SNTG2: variants seen among roughly 807,000 people sequenced by gnomAD.
The protein encoded by SNTG2 is syntrophin gamma 2.
In SNTG2, 74 loss-of-function variants were observed where a neutral mutation model predicts 70.9. The ratio of observed to expected loss-of-function variants is 1.04; its 90% CI spans 0.86 to 1.27. The LOEUF (loss-of-function observed/expected upper bound fraction) is 1.27. Ranked by LOEUF, SNTG2 falls within the 50% of genes most tolerant of loss-of-function variation. SNTG2 has a pLI of 0.00. For missense variants in SNTG2, 717 were observed against 690.7 expected (o/e 1.04, Z -0.43); for synonymous variants, 278 against 273.8 (o/e 1.02, Z -0.15).
intron 1 of SNTG2, among the ~76,000 whole-genome samples, chr2:1,055,833 A>C (rs1662356530): frequency 6.6e-6 from 1 of 152,150 alleles, no homozygotes; most frequent in Non-Finnish European, 1.5e-5. Flanking sequence ...CAGTTGCAGC[A>C]CCAGCCCTCC....
chr2:1,162,190 AGG>A (rs140681649), intron 6 of SNTG2, among the ~76,000 whole-genome samples: 1 of 152,248 alleles, frequency 6.6e-6, no homozygotes, highest in East Asian at 1.9e-4. Flanking sequence ...CCTGTAAGCA[AGG>A]GATGGCAGAT....
intron 16 of SNTG2, among the ~76,000 whole-genome samples, chr2:1,321,162 A>C (rs1681502799): frequency 6.6e-6 from 1 of 152,206 alleles, no homozygotes; most frequent in African/African-American, 2.4e-5. Flanking sequence ...GAGTTTCATC[A>C]GTTCTAAAGA....
At chr2:1,178,363 A>G (rs1000603617) in intron 8 of SNTG2, among the ~76,000 whole-genome samples, 2 of 152,158 alleles carry the variant, frequency 1.3e-5, no homozygotes, top group African/African-American at 4.8e-5. Flanking sequence ...GTGAGAGAGG[A>G]CATCTCTGTC....
chr2:966,302 C>G (rs1313773814), intron 1 of SNTG2, among the ~76,000 whole-genome samples: 3 of 151,838 alleles, frequency 2.0e-5, no homozygotes, highest in Non-Finnish European at 4.4e-5. Flanking sequence ...ACTTATTTTA[C>G]ATTTTTTTTT....
chr2:1,118,288 C>G (rs900882523), intron 4 of SNTG2, among the ~76,000 whole-genome samples: 1 of 152,064 alleles, frequency 6.6e-6, no homozygotes, highest in African/African-American at 2.4e-5. Flanking sequence ...GCTGAGACTC[C>G]CCTCTACAGA....
chr2:1,333,199 A>G lies in SNTG2; in HGVS notation c.1488+16824A>G, dbSNP rs190004783. On this transcript the variant is annotated intron_variant, in intron 16 of 16. Transcript: ENST00000308624. ...TTAAATCAAGAACTCAATCGCTTTT[A>G]CAACAGCTGCAAAAAGTAAAATATT... Among the ~76,000 whole-genome samples the G allele has an allele frequency of 4.2e-3, 646 of 152,356 alleles. 7 individuals carry two copies. Among genetic ancestry groups the G allele is most frequent in the African/African-American group, 0.015 (605 of 41,594 alleles).
At position 1,232,080 on chromosome 2, in the gene SNTG2, C is replaced by T. The variant is rs565338848; in HGVS notation, c.720-5808C>T. On this transcript the variant is annotated intron_variant, in intron 9 of 16. Coordinates refer to ENST00000308624, the MANE Select transcript of SNTG2 (RefSeq NM_018968.4). ...CTCACTGGCCTCAGCATGGCCTGCA[C>T]GGATGGGGCCTCCTGCCTCTCCTGC... 2.6e-4 allele frequency among the ~76,000 whole-genome samples: 40 copies of T among 152,194 alleles called. 1 individual carries two copies. The South Asian group carries it at 8.1e-3, about 31-fold the overall frequency.
Position 1,026,547 on chromosome 2 carries a change from G to C in SNTG2, c.73-56971G>C, listed in dbSNP as rs543121789. Among the ~76,000 whole-genome samples the C allele has an allele frequency of 2.0e-5, 3 of 152,258 alleles. No homozygotes were observed. The South Asian group carries it at 6.2e-4, about 32-fold the overall frequency. On this transcript the variant is annotated intron_variant, in intron 1 of 16. Coordinates refer to ENST00000308624, the MANE Select transcript of SNTG2 (RefSeq NM_018968.4). Reference sequence around the variant, plus strand: ...AAAAGTGAGGGAGATATCATTGTACGGGCTAGAGTTTTGAGATTAAATATT... The same window carrying C: ...AAAAGTGAGGGAGATATCATTGTACCGGCTAGAGTTTTGAGATTAAATATT...
intron 1 of SNTG2, among the ~76,000 whole-genome samples, chr2:958,080 AC>A (rs1475881270): frequency 6.6e-6 from 1 of 151,828 alleles, no homozygotes; most frequent in East Asian, 1.9e-4. Context: ...TTCCTTTAAC[AC>A]CCCTGGGGTA....
intron 1 of SNTG2, among the ~76,000 whole-genome samples, chr2:1,075,375 A>G (rs548261255): frequency 1.7e-4 from 26 of 152,302 alleles, no homozygotes; most frequent in Non-Finnish European, 2.6e-4. Context: ...TTTTATGGGG[A>G]CTTCATTTTA....
chr2:1,105,738 T>C (rs1244544369), intron 4 of SNTG2, among the ~76,000 whole-genome samples: 3 of 152,160 alleles, frequency 2.0e-5, no homozygotes, highest in East Asian at 3.9e-4. Context: ...CACGACTTCA[T>C]TGCTTACGGA....
intron 12 of SNTG2, among the ~76,000 whole-genome samples, chr2:1,252,158 A>G (rs1464556086): frequency 6.6e-6 from 1 of 152,200 alleles, no homozygotes; most frequent in East Asian, 1.9e-4. Context: ...GATCCACGAG[A>G]AAGAAGCCAC....
rs112973636 is a variant in SNTG2 at position 977,680 on chromosome 2, A to G, written c.72+26612A>G. Among the ~76,000 whole-genome samples the G allele has an allele frequency of 1.2e-3, 175 of 152,088 alleles. 1 individual carries two copies. The highest frequency in any genetic ancestry group is 3.8e-3 in the African/African-American group (158 of 41,494). On this transcript the variant is annotated intron_variant, in intron 1 of 16. Transcript: ENST00000308624. ...GGTTTAAACTCATCGACAGCTACTC[A>G]TTGCTTCTAGGATGGGATCAGAGCC...
At chr2:1,116,216 C>T (rs1376972799) in intron 4 of SNTG2, among the ~76,000 whole-genome samples, 1 of 152,158 alleles carries the variant, frequency 6.6e-6, no homozygotes, top group Admixed American at 6.5e-5. Context: ...TTCTGAGAAG[C>T]AGAGCTATCG....
At chr2:1,278,345 A>T (rs902863349) in intron 14 of SNTG2, among the ~76,000 whole-genome samples, 5 of 151,550 alleles carry the variant, frequency 3.3e-5, no homozygotes, top group Non-Finnish European at 7.4e-5. Flanking sequence ...CGAGGTGCTA[A>T]TGACGTATGT....
intron 11 of SNTG2, among the ~76,000 whole-genome samples, chr2:1,241,185 G>A (rs1354818860): frequency 3.3e-5 from 5 of 152,170 alleles, no homozygotes; most frequent in Admixed American, 6.5e-5. Context: ...AGGAGGAGCC[G>A]CAGCTTCTGG....
intron 6 of SNTG2, among the ~76,000 whole-genome samples, chr2:1,138,368 G>T (rs1258608893): frequency 1.3e-5 from 2 of 152,190 alleles, no homozygotes; most frequent in Non-Finnish European, 2.9e-5. Flanking sequence ...CCAATGTCAC[G>T]TCAGGTTAGG....
At chr2:1,035,781 T>G (rs192955270) in intron 1 of SNTG2, among the ~76,000 whole-genome samples, 2 of 152,342 alleles carry the variant, frequency 1.3e-5, no homozygotes, top group Admixed American at 1.3e-4. Flanking sequence ...CTCTTGTATA[T>G]TTGCATTTAT....
chr2:1,047,722 G>T (rs1191752554), intron 1 of SNTG2, among the ~76,000 whole-genome samples: 1 of 152,208 alleles, frequency 6.6e-6, no homozygotes, highest in Admixed American at 6.5e-5. Context: ...CAGCCACGTG[G>T]TTCCTTTTTA....
Sources: allele counts gnomAD v4.1 joint callset (sites outside exome capture counted in the v4.1 genomes callset), GRCh38; gene constraint gnomAD v4.1.1; transcripts MANE v1.5; gene names NCBI Gene and HGNC (gene_info 2026-07-23, HGNC 2026-07-21).